Variants in PCBP3 observed in about 807,000 individuals in gnomAD.
PCBP3 encodes poly(rC) binding protein 3.
Under a neutral mutation model 52.7 loss-of-function variants are expected in PCBP3, and 25 were observed. The ratio of observed to expected loss-of-function variants is 0.47; its 90% CI spans 0.35 to 0.66. PCBP3 has a LOEUF of 0.66. Ranked by LOEUF, PCBP3 falls within the 30% of genes least tolerant of loss-of-function variation. The pLI, the probability that PCBP3 is intolerant of heterozygous loss-of-function variation, is 0.01. For missense variants in PCBP3, 391 were observed against 490.3 expected (o/e 0.80, Z 1.91); for synonymous variants, 162 against 183.0 (o/e 0.89, Z 0.93).
chr21:45,897,104 T>G (rs1430123272), intron 6 of PCBP3, among the ~76,000 whole-genome samples: 1 of 152,250 alleles, frequency 6.6e-6, no homozygotes, highest in Admixed American at 6.5e-5. Context: ...TTTAATCTTA[T>G]TTTAAGCAAT....
At chr21:45,924,444 G>A (rs1172443354) in intron 13 of PCBP3, among the ~76,000 whole-genome samples, 20 of 129,258 alleles carry the variant, frequency 1.5e-4, no homozygotes, top group Admixed American at 3.7e-4. Context: ...GAACAGTCGC[G>A]TGGGTAGAAA....
intron 3 of PCBP3, among the ~76,000 whole-genome samples, chr21:45,739,384 C>T (rs1272571854): frequency 4.2e-5 from 6 of 141,852 alleles, no homozygotes; most frequent in South Asian, 2.4e-4. Flanking sequence ...GGTAGCCCCC[C>T]CATCTTCATC....
chr21:45,702,709 G>A (rs1482790298), intron 2 of PCBP3, among the ~76,000 whole-genome samples: 2 of 152,174 alleles, frequency 1.3e-5, no homozygotes, highest in Non-Finnish European at 1.5e-5. Flanking sequence ...GTTGCTGAAG[G>A]CTGGGGTGGC....
intron 2 of PCBP3, among the ~76,000 whole-genome samples, chr21:45,684,365 A>G (rs886160399): frequency 4.6e-5 from 7 of 152,148 alleles, no homozygotes; most frequent in African/African-American, 1.4e-4. Context: ...CTCATAAGAG[A>G]GATAGAGAAT....
At chr21:45,899,815 C>G (rs2095976039) in intron 7 of PCBP3, among the ~76,000 whole-genome samples, 193 bp downstream of exon 7, 1 of 152,172 alleles carries the variant, frequency 6.6e-6, no homozygotes, top group Non-Finnish European at 1.5e-5. Context: ...GTCCCTGGCT[C>G]TGCGTGGCCT....
intron 1 of PCBP3, among the ~76,000 whole-genome samples, chr21:45,659,910 G>T (rs915326928): frequency 1.3e-5 from 2 of 152,090 alleles, no homozygotes; most frequent in Non-Finnish European, 2.9e-5. Context: ...TGAGAATAAT[G>T]TGTTTTCTGC....
intron 4 of PCBP3, among the ~76,000 whole-genome samples, chr21:45,823,144 C>A (rs992672614): frequency 3.9e-5 from 6 of 152,176 alleles, no homozygotes; most frequent in African/African-American, 1.4e-4. Flanking sequence ...TAGAATTAGA[C>A]TTTTTAACTT....
At chr21:45,764,411 C>A (rs755585081) in intron 4 of PCBP3, among the ~76,000 whole-genome samples, 100 of 152,232 alleles carry the variant, frequency 6.6e-4, no homozygotes, top group Non-Finnish European at 1.2e-3. Context: ...CGTGAGCCAC[C>A]GTGGTCGGCC....
intron 13 of PCBP3, chr21:45,919,214 TCTC>T (rs2074050915): frequency 6.6e-6 from 1 of 152,242 alleles, no homozygotes; most frequent in Non-Finnish European, 1.5e-5. Flanking sequence ...AGGTTTCTCT[TCTC>T]TAAACCATTT....
intron 9 of PCBP3, 107 bp downstream of exon 9, chr21:45,901,220 C>T (rs574597418): frequency 1.4e-5 from 11 of 785,430 alleles, no homozygotes; most frequent in African/African-American, 8.4e-5. Context: ...TGCCCCAGCC[C>T]GCCCAGGCAA....
intron 13 of PCBP3, among the ~76,000 whole-genome samples, chr21:45,921,399 A>G (rs141944876): frequency 1.3e-3 from 201 of 152,366 alleles, no homozygotes; most frequent in African/African-American, 4.2e-3. Flanking sequence ...ATCAAGCATA[A>G]GAAAATACAT....
chr21:45,787,335 C>T, intron 4 of PCBP3, among the ~76,000 whole-genome samples: 1 of 152,096 alleles, frequency 6.6e-6, no homozygotes, highest in East Asian at 1.9e-4. Context: ...TCCTCAACTT[C>T]CTGGGCCCAA....
chr21:45,917,524 G>T lies in PCBP3; in HGVS notation c.676-64G>T, dbSNP rs2073680222. 1.5e-6 allele frequency: 2 copies of T among 1,305,226 alleles called. No individual in the cohort carries two copies. The highest frequency in any genetic ancestry group is 2.2e-6 in the Non-Finnish European group (2 of 904,444). 80.9% of individuals were successfully genotyped at this position (1,305,226 alleles called of 1,614,324 possible). On this transcript the variant is annotated intron_variant, in intron 12 of 17. Coordinates refer to ENST00000681687, the MANE Select transcript of PCBP3 (RefSeq NM_001384156.1). This position sits in a 1 kb window ranked among gnomAD's most constrained non-coding sequence, Gnocchi z 5.3. The stretch of plus-strand genomic sequence containing the variant: ...AGGGTCCTTGTCATGCTGGAGGGTG[G>T]CGGCGGGTGCTGAGCCGTGGTGCAG...
In PCBP3 at chr21:45,791,143, C is replaced by A. The variant is rs2091523686; in HGVS notation, c.-126+35691C>A. Among the ~76,000 whole-genome samples, 1 of 152,118 alleles carries A rather than the reference C, an allele frequency of 6.6e-6. No homozygotes were observed. Among genetic ancestry groups the A allele is most frequent in the Non-Finnish European group, 1.5e-5 (1 of 68,034 alleles). ...TGGTGGGGTCCATCCCAGGAAGCCCCTCACAACAAGGCTGTGTTGGTCGTC... is the reference window on the plus strand; with the variant it reads ...TGGTGGGGTCCATCCCAGGAAGCCCATCACAACAAGGCTGTGTTGGTCGTC... On this transcript the variant is annotated intron_variant, in intron 4 of 17. Transcript: ENST00000681687. This position sits in a 1 kb window ranked among gnomAD's most constrained non-coding sequence, Gnocchi z 4.2.
intron 4 of PCBP3, among the ~76,000 whole-genome samples, chr21:45,766,098 G>A (rs1272303742): frequency 6.6e-6 from 1 of 152,188 alleles, no homozygotes; most frequent in South Asian, 2.1e-4. Context: ...GTACAACATC[G>A]TCATCCACGG....
intron 5 of PCBP3, among the ~76,000 whole-genome samples, chr21:45,894,761 C>G (rs1348913845): frequency 6.6e-6 from 1 of 152,242 alleles, no homozygotes; most frequent in African/African-American, 2.4e-5. Flanking sequence ...GCACATGTGG[C>G]TGTCCTGCTG....
rs1278895660 is a variant in PCBP3 at position 45,928,356 on chromosome 21, C to T, written c.718-1561C>T. 6.6e-6 allele frequency among the ~76,000 whole-genome samples: 1 copy of T among 152,092 alleles called. No homozygotes were observed. The highest frequency in any genetic ancestry group is 1.5e-5 in the Non-Finnish European group (1 of 68,002). On this transcript the variant is annotated intron_variant, in intron 13 of 17. Transcript: ENST00000681687. This position sits in a 1 kb window ranked among gnomAD's most constrained non-coding sequence, Gnocchi z 4.1. ...CTGCCCCCCAGCCCAGACCTGGCTGCAAGGCCAGGGGTTGGGGAGGGGCAG... is the reference window on the plus strand; with the variant it reads ...CTGCCCCCCAGCCCAGACCTGGCTGTAAGGCCAGGGGTTGGGGAGGGGCAG...
intron 5 of PCBP3, among the ~76,000 whole-genome samples, chr21:45,876,820 T>C (rs1332924367): frequency 3.9e-5 from 6 of 152,240 alleles, no homozygotes; most frequent in African/African-American, 1.4e-4. Flanking sequence ...GCTGAGGCCG[T>C]GAGTGCAGCC....
At chr21:45,933,272 T>A (rs1260504607) in intron 15 of PCBP3, among the ~76,000 whole-genome samples, 1 of 152,254 alleles carries the variant, frequency 6.6e-6, no homozygotes, top group African/African-American at 2.4e-5. Flanking sequence ...AGCCATGCTC[T>A]CCTGAGAGGG....
Sources: allele counts gnomAD v4.1 joint callset (sites outside exome capture counted in the v4.1 genomes callset), GRCh38; gene constraint gnomAD v4.1.1; non-coding constraint Gnocchi (gnomAD v3.1); transcripts MANE v1.5; gene names NCBI Gene and HGNC (gene_info 2026-07-23, HGNC 2026-07-21).